The following CACNB4 variants were observed in gnomAD, a reference collection of about 807,000 sequenced individuals.
The protein encoded by CACNB4 is calcium voltage-gated channel auxiliary subunit beta 4.
Under a neutral mutation model 71.2 loss-of-function variants are expected in CACNB4, and 32 were observed. That is an observed-to-expected ratio of 0.45 (90% CI 0.34 to 0.60). CACNB4 has a LOEUF of 0.60. Ranked by LOEUF, CACNB4 falls within the 20% of genes least tolerant of loss-of-function variation. The probability of loss-of-function intolerance (pLI) is 0.01; values close to 1 mark genes in which losing one functional copy is unlikely to be tolerated. For synonymous variants in CACNB4, 231 were observed against 236.9 expected, an observed-to-expected ratio of 0.97 and a Z score of 0.23; for missense variants, 464 against 647.9, an observed-to-expected ratio of 0.72 and a Z score of 3.08.
At chr2:151,955,602 T>C (rs1241923891) in intron 2 of CACNB4, among the ~76,000 whole-genome samples, 3 of 151,698 alleles carry the variant, frequency 2.0e-5, no homozygotes, top group African/African-American at 4.8e-5. Flanking sequence ...GGAATAAGAG[T>C]TGGACTTTGA....
chr2:152,099,036 C>T lies in CACNB4; in HGVS notation c.-25G>A. The T allele has an allele frequency of 2.0e-6, 3 of 1,505,960 alleles. No individual in the cohort carries two copies. The highest frequency in any genetic ancestry group is 2.7e-6 in the Non-Finnish European group (3 of 1,129,834). The allele number at this position is 1,505,960 out of a possible 1,614,324, so 93.3% of individuals were successfully genotyped here. On this transcript the variant is annotated 5_prime_UTR_variant, in exon 1 of 14. Coordinates refer to ENST00000539935, the MANE Select transcript of CACNB4 (RefSeq NM_000726.5). ...TCGTTCAGAGCCGCCGCATGGCCAG[C>T]CCGTGTGCGGTGGGCGGAGGGGGCT...
intron 4 of CACNB4, among the ~76,000 whole-genome samples, chr2:151,877,409 T>C (rs1443171740): frequency 6.6e-6 from 1 of 152,200 alleles, no homozygotes; most frequent in African/African-American, 2.4e-5. Flanking sequence ...TGTCTGGTCC[T>C]AACCTTTGGA....
At chr2:151,885,005 A>G (rs1393885891) in intron 2 of CACNB4, among the ~76,000 whole-genome samples, 1 of 152,238 alleles carries the variant, frequency 6.6e-6, no homozygotes, top group Admixed American at 6.5e-5. Flanking sequence ...AAGTTTTTCT[A>G]CATGTAGAAA....
intron 2 of CACNB4, among the ~76,000 whole-genome samples, chr2:152,035,651 C>CTGTCTCTCTCTA (rs796161186): frequency 8.5e-6 from 1 of 118,042 alleles, no homozygotes; most frequent in Non-Finnish European, 1.7e-5. Context: ...CTCTCTCTCT[C>CTGTCTCTCTCTA]TATATATATA....
intron 2 of CACNB4, among the ~76,000 whole-genome samples, chr2:152,067,316 G>T (rs1686392783): frequency 6.6e-6 from 1 of 151,418 alleles, no homozygotes; most frequent in South Asian, 2.1e-4. Context: ...CTGAGATCAA[G>T]TACCCAGTAT....
At chr2:152,092,573 C>CT (rs11355769) in intron 2 of CACNB4, among the ~76,000 whole-genome samples, 10 of 150,782 alleles carry the variant, frequency 6.6e-5, no homozygotes, top group Admixed American at 3.3e-4. Flanking sequence ...TCCATATGCT[C>CT]TTTTTTTTTA....
intron 9 of CACNB4, chr2:151,861,244 A>AT (rs1354265957): frequency 6.2e-6 from 1 of 161,200 alleles, no homozygotes; most frequent in African/African-American, 2.4e-5. Flanking sequence ...CTGGCATTTA[A>AT]TGATGCCAGT....
At chr2:151,957,257 C>CGTGTATATGTGTGTGTGT (rs3068823) in intron 2 of CACNB4, among the ~76,000 whole-genome samples, 4 of 131,788 alleles carry the variant, frequency 3.0e-5, no homozygotes, top group African/African-American at 5.5e-5. Context: ...AGTGGCTGGG[C>CGTGTATATGTGTGTGTGT]GTGTGTGTGT....
At chr2:151,992,311 T>A (rs1301778336) in intron 2 of CACNB4, among the ~76,000 whole-genome samples, 1 of 152,246 alleles carries the variant, frequency 6.6e-6, no homozygotes, top group Non-Finnish European at 1.5e-5. Flanking sequence ...CAATGCAGCA[T>A]GGCAAGCTAC....
chr2:152,062,721 GC>G (rs1293587458), intron 2 of CACNB4, among the ~76,000 whole-genome samples: 5 of 152,178 alleles, frequency 3.3e-5, no homozygotes, highest in Non-Finnish European at 4.4e-5. Context: ...CAGAGCCTTT[GC>G]CAATGACAGA....
chr2:151,856,246 C>T (rs2099840288), intron 10 of CACNB4, among the ~76,000 whole-genome samples: 1 of 150,578 alleles, frequency 6.6e-6, no homozygotes, highest in Non-Finnish European at 1.5e-5. Context: ...TTATAAATTA[C>T]CTGACTTATT....
chr2:151,900,851 C>T (rs1028276752), intron 2 of CACNB4, among the ~76,000 whole-genome samples: 2 of 152,146 alleles, frequency 1.3e-5, no homozygotes, highest in Non-Finnish European at 2.9e-5. Flanking sequence ...GGGATATACA[C>T]AATTTACCTA....
chr2:151,901,769 T>C (rs1264791894), intron 2 of CACNB4, among the ~76,000 whole-genome samples: 6 of 152,182 alleles, frequency 3.9e-5, no homozygotes, highest in African/African-American at 1.2e-4. Context: ...GAGGCTTATA[T>C]TGAGAATGAG....
rs1453592688 is a variant in CACNB4 at position 151,853,497 on chromosome 2, T to A, written c.1067A>T (p.His356Leu). The change falls in exon 12 of 14, where the codon CAC (histidine) becomes CTC (leucine). Residue 356 changes from histidine to leucine, a missense_variant. By Grantham distance (99) the His-to-Leu change is moderately conservative. This residue lies in a region of CACNB4 where 299 missense variants were observed against 471.7 expected (regional missense o/e 0.63). Coordinates refer to ENST00000539935, the MANE Select transcript of CACNB4 (RefSeq NM_000726.5). ...IKSRGKSQSK[H>L]LNVQLVAADK... is the part of the protein sequence containing the mutation. ...AGCTGCCACCAGTTGAACATTCAAG[T>A]GTTTACTTTGTGACTTTCCTCTAGA... The A allele has an allele frequency of 6.2e-7, 1 of 1,601,326 alleles. No homozygotes were observed. The highest frequency in any genetic ancestry group is 1.1e-5 in the South Asian group (1 of 87,718).
chr2:152,087,711 C>A (rs1048318152), intron 2 of CACNB4, among the ~76,000 whole-genome samples: 2 of 151,864 alleles, frequency 1.3e-5, no homozygotes, highest in Non-Finnish European at 2.9e-5. Flanking sequence ...GACCCCATCT[C>A]TACCAAAAAA....
intron 2 of CACNB4, among the ~76,000 whole-genome samples, chr2:151,944,304 C>A (rs566824748): frequency 6.6e-6 from 1 of 152,114 alleles, no homozygotes; most frequent in East Asian, 1.9e-4. Flanking sequence ...CCTCCCAAAG[C>A]GCTGGGATTA....
chr2:151,960,342 C>T (rs1308367206), intron 2 of CACNB4, among the ~76,000 whole-genome samples: 1 of 152,170 alleles, frequency 6.6e-6, no homozygotes, highest in Non-Finnish European at 1.5e-5. Context: ...CTTGTGGCCG[C>T]TGGCACAGTT....
At chr2:151,956,178 A>G (rs550842628) in intron 2 of CACNB4, among the ~76,000 whole-genome samples, 5 of 152,368 alleles carry the variant, frequency 3.3e-5, no homozygotes, top group African/African-American at 1.2e-4. Context: ...AAATTATTAA[A>G]GATGACGCAT....
At chr2:151,930,459 A>G (rs2099861358) in intron 2 of CACNB4, among the ~76,000 whole-genome samples, 1 of 152,234 alleles carries the variant, frequency 6.6e-6, no homozygotes, top group Non-Finnish European at 1.5e-5. Context: ...AAGTCTTAAA[A>G]ATCATGAATG....
Sources: allele counts gnomAD v4.1 joint callset (sites outside exome capture counted in the v4.1 genomes callset), GRCh38; gene constraint gnomAD v4.1.1; regional missense constraint gnomAD v4.1.1; transcripts MANE v1.5; gene names NCBI Gene and HGNC (gene_info 2026-07-23, HGNC 2026-07-21).